DLG2: variants seen among roughly 807,000 people sequenced by gnomAD.
DLG2 encodes discs large MAGUK scaffold protein 2.
In DLG2, 45 loss-of-function variants were observed where a neutral mutation model predicts 132.5. The ratio of observed to expected loss-of-function variants is 0.34; its 90% CI spans 0.27 to 0.44. DLG2 has a LOEUF of 0.44. Ranked by LOEUF, DLG2 falls within the 20% of genes least tolerant of loss-of-function variation. The pLI, the probability that DLG2 is intolerant of heterozygous loss-of-function variation, is 1.00. For synonymous variants in DLG2, 424 were observed against 419.6 expected (o/e 1.01, Z -0.13); for missense variants, 1,045 against 1,196.9 (o/e 0.87, Z 1.87).
intron 8 of DLG2, among the ~76,000 whole-genome samples, chr11:84,191,427 C>T (rs1437520669): frequency 6.6e-6 from 1 of 152,166 alleles, no homozygotes; most frequent in Admixed American, 6.5e-5. Context: ...GGAAAGAATG[C>T]CAGATTTGTG....
intron 6 of DLG2, among the ~76,000 whole-genome samples, chr11:84,809,272 G>A (rs971508891): frequency 2.0e-4 from 31 of 151,758 alleles, no homozygotes; most frequent in African/African-American, 6.3e-4. Context: ...GGGAATAGAA[G>A]GAAACTTTCT....
intron 6 of DLG2, among the ~76,000 whole-genome samples, chr11:84,987,656 CAT>C (rs1212144900): frequency 2.0e-5 from 3 of 152,166 alleles, no homozygotes; most frequent in South Asian, 4.1e-4. Context: ...CAAACAAAAA[CAT>C]AAAGTGGGGA....
chr11:83,550,367 G>T (rs2142009119), intron 19 of DLG2, among the ~76,000 whole-genome samples: 1 of 152,278 alleles, frequency 6.6e-6, no homozygotes, highest in East Asian at 1.9e-4. Context: ...GGTATGAGCA[G>T]ATTTCACATG....
chr11:83,678,437 C>T (rs532466309), intron 18 of DLG2, among the ~76,000 whole-genome samples: 4 of 152,278 alleles, frequency 2.6e-5, no homozygotes, highest in African/African-American at 9.6e-5. Context: ...ATAGTTTCTT[C>T]CTGCACTACA....
At chr11:85,345,790 T>C (rs1190806017) in intron 3 of DLG2, among the ~76,000 whole-genome samples, 1 of 152,108 alleles carries the variant, frequency 6.6e-6, no homozygotes, top group Non-Finnish European at 1.5e-5. Context: ...TGAGAATTGT[T>C]ACCCCAAAGA....
intron 6 of DLG2, among the ~76,000 whole-genome samples, chr11:84,989,382 G>A (rs1369019243): frequency 6.6e-6 from 1 of 152,044 alleles, no homozygotes; most frequent in African/African-American, 2.4e-5. Context: ...CACCATGTTG[G>A]CCGGGGTGGT....
intron 6 of DLG2, among the ~76,000 whole-genome samples, chr11:84,728,996 T>G (rs1055987937): frequency 6.6e-6 from 1 of 152,090 alleles, no homozygotes; most frequent in South Asian, 2.1e-4. Context: ...TCTTTATTAA[T>G]CTGGCTAGCA....
At chr11:84,725,193 A>T (rs1284905571) in intron 6 of DLG2, among the ~76,000 whole-genome samples, 2 of 152,184 alleles carry the variant, frequency 1.3e-5, no homozygotes, top group East Asian at 3.9e-4. Context: ...AGACTATCCC[A>T]GCTATCACTA....
At chr11:84,613,293 A>G (rs2099598563) in intron 6 of DLG2, among the ~76,000 whole-genome samples, 1 of 152,168 alleles carries the variant, frequency 6.6e-6, no homozygotes, top group Non-Finnish European at 1.5e-5. Flanking sequence ...TATCATAACT[A>G]TATTAGGAAA....
chr11:84,849,633 C>T (rs1265187055), intron 6 of DLG2, among the ~76,000 whole-genome samples: 3 of 152,084 alleles, frequency 2.0e-5, no homozygotes, highest in Admixed American at 2.0e-4. Context: ...TTCTTACCCT[C>T]TAGATGTTAG....
chr11:85,339,473 C>A (rs1596350723), intron 3 of DLG2, among the ~76,000 whole-genome samples: 1 of 152,116 alleles, frequency 6.6e-6, no homozygotes, highest in South Asian at 2.1e-4. Flanking sequence ...TTTGCATTGA[C>A]ATCACCAATA....
chr11:85,205,146 G>GTATATATATATATATATATA (rs376041155), intron 4 of DLG2, among the ~76,000 whole-genome samples: 7 of 141,702 alleles, frequency 4.9e-5, no homozygotes, highest in Non-Finnish European at 7.7e-5. Context: ...ATATGTGTGT[G>GTATATATATATATATATATA]TATATATATA....
intron 21 of DLG2, among the ~76,000 whole-genome samples, chr11:83,489,005 G>A (rs756648596): frequency 5.3e-5 from 8 of 151,952 alleles, no homozygotes; most frequent in Non-Finnish European, 1.0e-4. Context: ...ATACATGTGT[G>A]TCTATAACAT....
At chr11:84,988,462 G>A (rs2056740277) in intron 6 of DLG2, among the ~76,000 whole-genome samples, 1 of 152,150 alleles carries the variant, frequency 6.6e-6, no homozygotes, top group Admixed American at 6.6e-5. Context: ...TGGAACCAAT[G>A]TATATGCCCA....
At chr11:84,932,417 T>C (rs373085549) in intron 6 of DLG2, among the ~76,000 whole-genome samples, 2 of 152,238 alleles carry the variant, frequency 1.3e-5, no homozygotes, top group African/African-American at 4.8e-5. Flanking sequence ...ATGTTCCGGA[T>C]ACATGTGCAG....
chr11:85,155,371 A>G (rs1237240426), intron 4 of DLG2, among the ~76,000 whole-genome samples: 1 of 152,192 alleles, frequency 6.6e-6, no homozygotes, highest in Non-Finnish European at 1.5e-5. Flanking sequence ...GTGGCAGACT[A>G]AATTCTTAGT....
intron 6 of DLG2, among the ~76,000 whole-genome samples, chr11:84,686,280 G>C (rs2153715889): frequency 6.6e-6 from 1 of 152,268 alleles, no homozygotes; most frequent in South Asian, 2.1e-4. Flanking sequence ...AAAGGACTTT[G>C]TCCAAAGACC....
At chr11:84,169,462 T>G (rs928653001) in intron 8 of DLG2, among the ~76,000 whole-genome samples, 3 of 152,310 alleles carry the variant, frequency 2.0e-5, no homozygotes, top group Admixed American at 2.0e-4. Context: ...TTTCTATATA[T>G]CCACTAAAAG....
chr11:84,865,139 T>C (rs1330483961), intron 6 of DLG2, among the ~76,000 whole-genome samples: 1 of 152,082 alleles, frequency 6.6e-6, no homozygotes, highest in Non-Finnish European at 1.5e-5. Flanking sequence ...TCATATAACA[T>C]AAAATTGTCC....
Sources: gnomAD v4.1 joint callset for allele counts (sites outside exome capture counted in the v4.1 genomes callset) on GRCh38, gnomAD v4.1.1 for gene constraint, MANE v1.5 for transcripts, NCBI Gene and HGNC (gene_info 2026-07-23, HGNC 2026-07-21) for gene names.